RALYL: variants seen among roughly 807,000 people sequenced by gnomAD.
RALYL encodes RNA-binding Raly-like protein.
Under a neutral mutation model 35.1 loss-of-function variants are expected in RALYL, and 29 were observed. The observed-to-expected ratio is 0.83, with a 90% confidence interval of 0.61 to 1.13. RALYL has a LOEUF of 1.13. Ranked by LOEUF, RALYL falls within the 50% of genes most tolerant of loss-of-function variation. The probability of loss-of-function intolerance (pLI) is 0.00; values close to 1 mark genes in which losing one functional copy is unlikely to be tolerated. For missense variants in RALYL, 359 were observed against 360.4 expected (o/e 1.00, Z 0.03); for synonymous variants, 120 against 127.6 (o/e 0.94, Z 0.40).
chr8:84,238,706 G>A (rs1827167519), intron 1 of RALYL, among the ~76,000 whole-genome samples: 1 of 152,104 alleles, frequency 6.6e-6, no homozygotes, highest in Non-Finnish European at 1.5e-5. Context: ...GGCTGTAGTG[G>A]TAGGGTATGA....
chr8:84,246,409 T>C (rs1465980603), intron 1 of RALYL, among the ~76,000 whole-genome samples: 1 of 152,092 alleles, frequency 6.6e-6, no homozygotes, highest in African/African-American at 2.4e-5. Flanking sequence ...CAAGGGAGAT[T>C]TTCAAGGAAG....
intron 6 of RALYL, among the ~76,000 whole-genome samples, chr8:84,865,918 G>A (rs2135124117): frequency 6.6e-6 from 1 of 152,218 alleles, no homozygotes; most frequent in Non-Finnish European, 1.5e-5. Context: ...TTAAAATTGA[G>A]AATTTATCCC....
At chr8:84,406,710 A>T (rs2043534624) in intron 1 of RALYL, among the ~76,000 whole-genome samples, 1 of 152,034 alleles carries the variant, frequency 6.6e-6, no homozygotes, top group African/African-American at 2.4e-5. Flanking sequence ...CATGGGCCCT[A>T]GGAGTCTAAG....
chr8:84,883,692 A>C (rs747970134), intron 7 of RALYL, among the ~76,000 whole-genome samples: 1 of 152,044 alleles, frequency 6.6e-6, no homozygotes, highest in Non-Finnish European at 1.5e-5. Context: ...CCATATCAGT[A>C]CTGGACTATG....
chr8:84,630,479 A>C (rs1488711), intron 2 of RALYL, among the ~76,000 whole-genome samples: 1,814 of 152,146 alleles, frequency 0.012, 42 homozygotes, highest in African/African-American at 0.04. Flanking sequence ...GAATATGCAT[A>C]GTTTCAAAAG....
intron 2 of RALYL, among the ~76,000 whole-genome samples, chr8:84,544,899 G>T (rs1018336114): frequency 7.0e-4 from 106 of 151,914 alleles, no homozygotes; most frequent in African/African-American, 2.4e-3. Flanking sequence ...ATCTCATATA[G>T]TTTTAATTTG....
At chr8:84,494,830 G>A (rs759757523) in intron 1 of RALYL, among the ~76,000 whole-genome samples, 6 of 151,938 alleles carry the variant, frequency 3.9e-5, no homozygotes, top group Non-Finnish European at 5.9e-5. Context: ...ATATAGGATC[G>A]TGTGGTCTGC....
chr8:84,700,207 T>C lies in RALYL; in HGVS notation c.257-74372T>C, dbSNP rs1267732834. Among the ~76,000 whole-genome samples the C allele has an allele frequency of 2.0e-4, 30 of 152,042 alleles. 1 individual carries two copies. The highest frequency in any genetic ancestry group is 5.9e-5 in the Non-Finnish European group (4 of 67,928). On this transcript the variant is annotated intron_variant, in intron 2 of 8. Coordinates refer to ENST00000521268, the MANE Select transcript of RALYL (RefSeq NM_173848.7). ...GAAAGAGAAGCAACAAAAGCAAGAA[T>C]GCTAAAAAACAATTACCACTAAGGA... is the stretch of plus-strand genomic sequence containing the variant.
chr8:84,292,083 A>G (rs1163607831), intron 1 of RALYL, among the ~76,000 whole-genome samples: 1 of 152,028 alleles, frequency 6.6e-6, no homozygotes, highest in Non-Finnish European at 1.5e-5. Context: ...TGAAACAAGA[A>G]AAATAGATAA....
At chr8:84,427,675 C>G (rs1359633242) in intron 1 of RALYL, among the ~76,000 whole-genome samples, 2 of 152,140 alleles carry the variant, frequency 1.3e-5, no homozygotes, top group East Asian at 3.9e-4. Flanking sequence ...TAATTATGCT[C>G]TACTGTTTCT....
chr8:84,396,002 T>G (rs1861680405), intron 1 of RALYL, among the ~76,000 whole-genome samples: 1 of 152,040 alleles, frequency 6.6e-6, no homozygotes, highest in South Asian at 2.1e-4. Context: ...TGTATTTTTT[T>G]AAAGTTTTAA....
intron 1 of RALYL, among the ~76,000 whole-genome samples, chr8:84,282,747 CGTGTGTGTGTGTGTGTGT>C (rs5892909): frequency 1.1e-4 from 16 of 148,786 alleles, no homozygotes; most frequent in Non-Finnish European, 2.2e-4. Context: ...TATGTGTATG[CGTGTGTGTGTGTGTGTGT>C]GTGTGTGTGT....
chr8:84,324,133 A>G (rs1845374906), intron 1 of RALYL, among the ~76,000 whole-genome samples: 1 of 152,050 alleles, frequency 6.6e-6, no homozygotes, highest in South Asian at 2.1e-4. Flanking sequence ...ATTCTAATGT[A>G]TCTTAGAAGG....
In RALYL at chr8:84,324,377, A is replaced by G. The variant is rs7835884; in HGVS notation, c.-24+139953A>G. Among the ~76,000 whole-genome samples the G allele has an allele frequency of 4.1e-3, 625 of 152,050 alleles. 6 individuals carry two copies. The highest frequency in any genetic ancestry group is 0.014 in the African/African-American group (576 of 41,502). On this transcript the variant is annotated intron_variant, in intron 1 of 8. Transcript: ENST00000521268. ...AACAAAATGAACTTTGAGTGGTTGTATAGCTTAGAGTCATTTACTAGTGAC... is the reference window on the plus strand; with the variant it reads ...AACAAAATGAACTTTGAGTGGTTGTGTAGCTTAGAGTCATTTACTAGTGAC...
intron 1 of RALYL, among the ~76,000 whole-genome samples, chr8:84,436,500 G>A (rs549108789): frequency 4.2e-5 from 6 of 143,936 alleles, no homozygotes; most frequent in Admixed American, 1.4e-4. Context: ...TAAAACCTTC[G>A]CAGAGGCACT....
chr8:84,415,516 G>C (rs560630242), intron 1 of RALYL, among the ~76,000 whole-genome samples: 59 of 148,922 alleles, frequency 4.0e-4, no homozygotes, highest in African/African-American at 1.3e-3. Context: ...GGTATTACAG[G>C]CGTGAGCCAC....
At chr8:84,607,798 C>T (rs751638535) in intron 2 of RALYL, among the ~76,000 whole-genome samples, 2 of 151,952 alleles carry the variant, frequency 1.3e-5, no homozygotes, top group African/African-American at 2.4e-5. Context: ...TTTCTCAAAC[C>T]CTCTGGGGTC....
At chr8:84,439,945 G>A (rs1332649062) in intron 1 of RALYL, among the ~76,000 whole-genome samples, 1 of 152,110 alleles carries the variant, frequency 6.6e-6, no homozygotes, top group African/African-American at 2.4e-5. Context: ...TTTAACTAGT[G>A]TAAGCATAAT....
intron 2 of RALYL, among the ~76,000 whole-genome samples, chr8:84,653,615 T>G (rs983087533): frequency 6.6e-6 from 1 of 152,030 alleles, no homozygotes; most frequent in Non-Finnish European, 1.5e-5. Flanking sequence ...AGATCTCTGA[T>G]TAATTAAATT....
Sources: allele counts gnomAD v4.1 joint callset (sites outside exome capture counted in the v4.1 genomes callset), GRCh38; gene constraint gnomAD v4.1.1; transcripts MANE v1.5; gene names NCBI Gene and HGNC (gene_info 2026-07-23, HGNC 2026-07-21).